TXNDC11: variants seen among roughly 807,000 people sequenced by gnomAD.
The protein encoded by TXNDC11 is thioredoxin domain-containing protein 11.
In TXNDC11, 68 loss-of-function variants were observed where a neutral mutation model predicts 78.0. The ratio of observed to expected loss-of-function variants is 0.87; its 90% CI spans 0.72 to 1.07. TXNDC11 has a LOEUF of 1.07. TXNDC11 is among the 50% of genes least tolerant of loss of function. The pLI is 0.00. For missense variants in TXNDC11, 1,389 were observed against 1,221.8 expected (o/e 1.14, Z -2.04); for synonymous variants, 571 against 495.2 (o/e 1.15, Z -2.03).
At chr16:11,686,368 G>A (rs1398575004) in intron 10 of TXNDC11, among the ~76,000 whole-genome samples, 1 of 152,164 alleles carries the variant, frequency 6.6e-6, no homozygotes, top group African/African-American at 2.4e-5. Flanking sequence ...TAAATGCCCA[G>A]CCATAATTTA....
rs8191349 is a variant in TXNDC11, at chr16:11,679,363, C to T, written c.2709G>A (p.Arg903=). Residue 903 remains arginine, a synonymous_variant, in exon 12 of 12, where the codon AGG becomes AGA. Transcript: ENST00000283033. The surrounding 1 kb of genome is among the most constrained non-coding windows in gnomAD (Gnocchi z 4.6). ...CAGCTCCATCCCTGCCCTCCAGTTT[C>T]CTCTCCATGGTCGCCACCAGGATCT... ...WLKILVATME[R]KLEGRDGAES... The T allele has an allele frequency of 9.6e-5, 154 of 1,611,602 alleles. No homozygotes were observed. Among genetic ancestry groups the T allele is most frequent in the Non-Finnish European group, 1.2e-4 (147 of 1,179,042 alleles).
chr16:11,742,098 G>A (rs1295611667), intron 1 of TXNDC11: 1 of 227,584 alleles, frequency 4.4e-6, no homozygotes, highest in Non-Finnish European at 8.5e-6. Context: ...CTCTCGCAAG[G>A]TTGTGGATCA....
chr16:11,713,047 C>T (rs1380711012), intron 5 of TXNDC11, among the ~76,000 whole-genome samples: 4 of 143,598 alleles, frequency 2.8e-5, no homozygotes, highest in Admixed American at 1.5e-4. Context: ...GCGGAGGTTG[C>T]GGTGAGTCAA....
intron 11 of TXNDC11, among the ~76,000 whole-genome samples, chr16:11,682,865 T>C (rs2050460965): frequency 6.6e-6 from 1 of 152,142 alleles, no homozygotes; most frequent in Non-Finnish European, 1.5e-5. Flanking sequence ...CCGCAAAAAT[T>C]CTTTGAGATA....
At chr16:11,740,948 A>C (rs1050431478) in intron 1 of TXNDC11, among the ~76,000 whole-genome samples, 1 of 152,146 alleles carries the variant, frequency 6.6e-6, no homozygotes, top group Admixed American at 6.5e-5. Flanking sequence ...GGGGACATCT[A>C]ACAATGTCTG....
Position 11,698,293 on chromosome 16 carries a change from A to G in TXNDC11, c.939T>C (p.Ala313=), listed in dbSNP as rs61745172. 167 of 1,613,890 alleles carry G rather than the reference A, an allele frequency of 1.0e-4. 1 individual carries two copies. In the African/African-American group the frequency reaches 2.0e-3, roughly 20 times the overall value. Residue 313 remains alanine (A), a synonymous_variant, in exon 7 of 12, where the codon GCT becomes GCC. Transcript: ENST00000283033. ...VFPREVLNYT[A]ENICKWALEN... ...CTAAGGCCCACTTACAGATGTTCTC[A>G]GCTGTGTAGTTCAGGACCTCCCTGG...
At chr16:11,698,404 A>G in intron 6 of TXNDC11, 79 bp from the exon 7 acceptor site, 1 of 1,287,568 alleles carries the variant, frequency 7.8e-7, no homozygotes, top group South Asian at 1.2e-5. Context: ...TGCTGTTCCA[A>G]CCCCACCACT....
At chr16:11,708,533 G>T (rs1400442038) in intron 5 of TXNDC11, among the ~76,000 whole-genome samples, 1 of 152,184 alleles carries the variant, frequency 6.6e-6, no homozygotes, top group Non-Finnish European at 1.5e-5. Context: ...TTACATTAGG[G>T]AAGGTCATCT....
intron 4 of TXNDC11, among the ~76,000 whole-genome samples, chr16:11,726,899 C>T (rs2051896761): frequency 6.6e-6 from 1 of 152,004 alleles, no homozygotes; most frequent in Non-Finnish European, 1.5e-5. Flanking sequence ...ACTAAAAATA[C>T]AAAAACAGCC....
chr16:11,688,535 A>G, intron 8 of TXNDC11, 90 bp from the exon 9 acceptor site: 2 of 1,109,696 alleles, frequency 1.8e-6, no homozygotes, highest in Non-Finnish European at 2.5e-6. Context: ...TAAAAACTCA[A>G]ATGACTTCAT....
At chr16:11,714,132 C>G (rs1295428202) in intron 5 of TXNDC11, among the ~76,000 whole-genome samples, 1 of 151,998 alleles carries the variant, frequency 6.6e-6, no homozygotes, top group Non-Finnish European at 1.5e-5. Context: ...GCCCTGACTT[C>G]CTAGGTTCAA....
rs775585699 is a variant in TXNDC11, at chr16:11,679,724, G to A, written c.2348C>T (p.Ser783Phe). The change falls in exon 12 of 12, where the codon TCT (serine) becomes TTT (phenylalanine). Residue 783 changes from serine (S) to phenylalanine (F), a missense_variant. Coordinates refer to ENST00000283033, the MANE Select transcript of TXNDC11 (RefSeq NM_015914.7). This position sits in a 1 kb window ranked among gnomAD's most constrained non-coding sequence, Gnocchi z 4.6. ...PASSPQNVAN[S>F]PTKECLQSEA... ...GCTCTGAAGACACTCCTTGGTAGGAGAGTTAGCCACATTCTGGGGGCTGGA... is the reference window on the plus strand; with the variant it reads ...GCTCTGAAGACACTCCTTGGTAGGAAAGTTAGCCACATTCTGGGGGCTGGA... 6.2e-7 allele frequency: 1 copy of A among 1,614,236 alleles called. No homozygotes were observed. Among genetic ancestry groups the A allele is most frequent in the Non-Finnish European group, 8.5e-7 (1 of 1,180,054 alleles).
intron 5 of TXNDC11, among the ~76,000 whole-genome samples, chr16:11,718,059 G>A (rs149975821): frequency 1.4e-3 from 218 of 152,226 alleles, no homozygotes; most frequent in African/African-American, 4.9e-3. Context: ...GACAAGTTGC[G>A]TTAAGTGGGG....
In TXNDC11 at chr16:11,730,767, G is replaced by T; in HGVS notation, c.577C>A (p.Pro193Thr). Residue 193 changes from proline to threonine, a missense_variant, in exon 4 of 12, where the codon CCA becomes ACA. By Grantham distance (38) the Pro-to-Thr change is conservative (BLOSUM62 -1). Coordinates refer to ENST00000283033, the MANE Select transcript of TXNDC11 (RefSeq NM_015914.7). ...VIYLYHRSFG[P>T]IEYKGPMSAV... ...CTCATGGGGCCTTTGTATTCGATTG[G>T]TCCAAAACTAGTACCAAAAAATAAA... 1 of 1,561,384 alleles carries T rather than the reference G, an allele frequency of 6.4e-7. No individual in the cohort carries two copies. The highest frequency in any genetic ancestry group is 8.7e-7 in the Non-Finnish European group (1 of 1,152,248).
intron 7 of TXNDC11, 83 bp downstream of exon 7, chr16:11,698,042 A>G: frequency 1.5e-6 from 2 of 1,330,806 alleles, no homozygotes; most frequent in Non-Finnish European, 2.1e-6. Context: ...GCCAGAGTAA[A>G]TGACTGAGTG....
chr16:11,714,287 G>C lies in TXNDC11; in HGVS notation c.793+7290C>G, dbSNP rs1020344320. On this transcript the variant is annotated intron_variant, in intron 5 of 11. Coordinates refer to ENST00000283033, the MANE Select transcript of TXNDC11 (RefSeq NM_015914.7). ...GATCCACCTGCCTCAGTCTCGCAAA[G>C]TGCTAGGATTACAGGCGTGAGCCAC... Among the ~76,000 whole-genome samples, 128 of 152,300 alleles carry C rather than the reference G, an allele frequency of 8.4e-4. 1 individual carries two copies. The highest frequency in any genetic ancestry group is 2.9e-3 in the African/African-American group (122 of 41,558).
At position 11,730,644 on chromosome 16, in the gene TXNDC11, C is replaced by T. The variant is rs1428481655; in HGVS notation, c.699+1G>A. On this transcript the variant is annotated splice_donor_variant, in intron 4 of 11. Coordinates refer to ENST00000283033, the MANE Select transcript of TXNDC11 (RefSeq NM_015914.7). LOFTEE classifies it high-confidence loss of function. ...GAGGAGGAGATATGAAAGACAAGTA[C>T]CTCGTAGTTTGAGAGAAAATCTAGT... The T allele has an allele frequency of 6.2e-7, 1 of 1,613,254 alleles. No homozygotes were observed. Among genetic ancestry groups the T allele is most frequent in the Non-Finnish European group, 8.5e-7 (1 of 1,179,476 alleles).
At chr16:11,683,540 A>C (rs1477545334) in intron 11 of TXNDC11, among the ~76,000 whole-genome samples, 1 of 150,916 alleles carries the variant, frequency 6.6e-6, no homozygotes, top group Non-Finnish European at 1.5e-5. Context: ...CCCCACACAA[A>C]CATTGCACCA....
chr16:11,704,774 A>G (rs980111384), intron 5 of TXNDC11, among the ~76,000 whole-genome samples: 1 of 152,220 alleles, frequency 6.6e-6, no homozygotes, highest in African/African-American at 2.4e-5. Context: ...GGAAACTGAG[A>G]AAAAAACCAA....
Sources: gnomAD v4.1 joint callset for allele counts (sites outside exome capture counted in the v4.1 genomes callset) on GRCh38, gnomAD v4.1.1 for gene constraint, Gnocchi (gnomAD v3.1) non-coding constraint, MANE v1.5 for transcripts, NCBI Gene and HGNC (gene_info 2026-07-23, HGNC 2026-07-21) for gene names.